Variants in RAPH1 observed in about 807,000 individuals in gnomAD.
RAPH1 encodes Ras association (RalGDS/AF-6) and pleckstrin homology domains 1.
A neutral mutation model predicts 88.1 loss-of-function variants in RAPH1; 18 were observed. The observed-to-expected ratio is 0.20, with a 90% CI of 0.14 to 0.30. RAPH1 has a LOEUF of 0.30. RAPH1 is among the 10% of genes least tolerant of loss of function. RAPH1 has a pLI of 1.00. For synonymous variants in RAPH1, 587 were observed against 559.0 expected, an observed-to-expected ratio of 1.05 and a Z score of -0.71; for missense variants, 1,448 against 1,543.2, an observed-to-expected ratio of 0.94 and a Z score of 1.03.
At chr2:203,509,872 T>G (rs1198519277) in intron 1 of RAPH1, among the ~76,000 whole-genome samples, 2 of 152,044 alleles carry the variant, frequency 1.3e-5, no homozygotes, top group Admixed American at 1.3e-4. Flanking sequence ...TCCCCCCTAC[T>G]CTTGCCCCTG....
At chr2:203,471,939 A>G (rs2098533491) in intron 4 of RAPH1, among the ~76,000 whole-genome samples, 1 of 152,100 alleles carries the variant, frequency 6.6e-6, no homozygotes, top group African/African-American at 2.4e-5. Flanking sequence ...TCATTTAACT[A>G]GATTGTGTAG....
In RAPH1 at chr2:203,489,719, A is replaced by T; in HGVS notation, c.597T>A (p.Ala199=). Residue 199 remains alanine (A), a synonymous_variant, in exon 4 of 14, where the codon GCT becomes GCA. Coordinates refer to ENST00000319170, the MANE Select transcript of RAPH1 (RefSeq NM_213589.3). ...AGGAATTACTAATAGAGTGTACTTC[A>T]GCATCACTCACTGTGCCTGCTGACG... ...RTASAGTVSD[A]EVHSISNSSH... The T allele has an allele frequency of 6.2e-7, 1 of 1,614,198 alleles. No individual in the cohort carries two copies. The highest frequency in any genetic ancestry group is 8.5e-7 in the Non-Finnish European group (1 of 1,180,030).
At position 203,489,808 on chromosome 2, in the gene RAPH1, C is replaced by A. The variant is rs1367324283; in HGVS notation, c.508G>T (p.Ala170Ser). The change falls in exon 4 of 14, where the codon GCT becomes TCT. Residue 170 changes from alanine (A) to serine (S), a missense_variant. By Grantham distance (99) the Ala-to-Ser change is moderately conservative (BLOSUM62 1). This residue lies in a region of RAPH1 where 513 missense variants were observed against 653.1 expected (regional missense o/e 0.79). Coordinates refer to ENST00000319170, the MANE Select transcript of RAPH1 (RefSeq NM_213589.3). The stretch of plus-strand genomic sequence containing the variant: ...TCTTCTAGTACAGATTGCTGAGCAG[C>A]CTCATCCATACTCAAAGAGGCCTGT... ...LEQASLSMDE[A>S]AQQSVLEDTK... 6.2e-7 allele frequency: 1 copy of A among 1,614,214 alleles called. No individual in the cohort carries two copies. The highest frequency in any genetic ancestry group is 1.1e-5 in the South Asian group (1 of 91,090).
chr2:203,456,008 CAAAACAAAAACAAAAACA>C (rs144160900), intron 8 of RAPH1, among the ~76,000 whole-genome samples: 19 of 150,828 alleles, frequency 1.3e-4, no homozygotes, highest in Middle Eastern at 6.9e-3. Context: ...GACTCTGTCT[CAAAACAAAAACAAAAACA>C]AAAACAAAAA....
chr2:203,457,280 C>T (rs987176888), intron 8 of RAPH1, among the ~76,000 whole-genome samples: 4 of 151,940 alleles, frequency 2.6e-5, no homozygotes, highest in African/African-American at 4.8e-5. Context: ...CTCCGCATCC[C>T]GGGTTCAAGC....
intron 3 of RAPH1, 66 bp from the exon 4 acceptor site, chr2:203,490,155 C>T: frequency 1.4e-6 from 2 of 1,403,846 alleles, no homozygotes; most frequent in South Asian, 3.0e-5. Context: ...TTAATAAATG[C>T]AGGTGATGAA....
chr2:203,455,541 C>G lies in RAPH1; in HGVS notation c.1198G>C (p.Glu400Gln). Residue 400 changes from glutamate to glutamine, a missense_variant, in exon 9 of 14, where the codon GAA becomes CAA. This residue lies in a region of RAPH1 where 513 missense variants were observed against 653.1 expected (regional missense o/e 0.79). Transcript: ENST00000319170. ...TCATCCTTCAACCAAAGGACTCCTT[C>G]AATTTCTGGTACAGTTACAGAACTT... ...CGSSVTVPEI[E>Q]GVLWLKDDGK... 6.2e-7 allele frequency: 1 copy of G among 1,613,584 alleles called. No individual in the cohort carries two copies. Among genetic ancestry groups the G allele is most frequent in the East Asian group, 2.2e-5 (1 of 44,866 alleles).
intron 4 of RAPH1, among the ~76,000 whole-genome samples, chr2:203,485,873 A>G (rs2251771): frequency 0.1 from 15,735 of 152,140 alleles, 1,654 homozygotes; most frequent in African/African-American, 0.27. Flanking sequence ...AAAACTATCT[A>G]GCCCAAATGT....
At chr2:203,513,218 GA>G (rs397937900) in intron 1 of RAPH1, among the ~76,000 whole-genome samples, 1 of 150,772 alleles carries the variant, frequency 6.6e-6, no homozygotes, top group Non-Finnish European at 1.5e-5. Context: ...ATGGGGGGGG[GA>G]ATAGATGAAC....
chr2:203,528,344 A>G (rs1165828787), intron 1 of RAPH1, among the ~76,000 whole-genome samples: 2 of 152,232 alleles, frequency 1.3e-5, no homozygotes, highest in East Asian at 3.8e-4. Flanking sequence ...ATGCCTTCCA[A>G]ACACAGTTTT....
chr2:203,470,741 A>G (rs1031958481), intron 4 of RAPH1, among the ~76,000 whole-genome samples: 14 of 152,398 alleles, frequency 9.2e-5, no homozygotes, highest in African/African-American at 3.1e-4. Context: ...TATTTCGGTT[A>G]GAATAAGACG....
chr2:203,525,063 T>C (rs1389383669), intron 1 of RAPH1, among the ~76,000 whole-genome samples: 1 of 152,224 alleles, frequency 6.6e-6, no homozygotes, highest in East Asian at 1.9e-4. Context: ...AAATGAAACA[T>C]CTGTCCATAA....
Position 203,435,744 on chromosome 2 carries a change from A to G in RAPH1, c.*3693T>C, listed in dbSNP as rs2098498010. 6.6e-6 allele frequency: 1 copy of G among 152,180 alleles called. No homozygotes were observed. The highest frequency in any genetic ancestry group is 1.5e-5 in the Non-Finnish European group (1 of 68,028). 9.4% of individuals were successfully genotyped at this position (152,180 alleles called of 1,614,324 possible). A position where few individuals can be genotyped will look rare whatever the true frequency, so the allele number is the denominator to read the frequency against. On this transcript the variant is annotated 3_prime_UTR_variant, in exon 14 of 14. Transcript: ENST00000319170. ...GTAGGTATATGAAAAACTTTTGGTA[A>G]TGTACAAAAATAGGAATGGGTTTTT...
At chr2:203,467,234 A>T (rs1011002726) in intron 4 of RAPH1, among the ~76,000 whole-genome samples, 5 of 152,094 alleles carry the variant, frequency 3.3e-5, no homozygotes, top group African/African-American at 9.7e-5. Flanking sequence ...GACCCTCCAT[A>T]CTGGAGGGCT....
At chr2:203,476,995 T>C in intron 4 of RAPH1, 1 of 995,786 alleles carries the variant, frequency 1.0e-6, no homozygotes, top group Admixed American at 2.2e-5. Context: ...TGAAGTTATA[T>C]GAAAAGGTTT....
rs142254466 is a variant in RAPH1 at position 203,441,378 on chromosome 2, T to A, written c.1812A>T (p.Ser604=). 56 of 1,574,098 alleles carry A rather than the reference T, an allele frequency of 3.6e-5. No individual in the cohort carries two copies. Among genetic ancestry groups the A allele is most frequent in the Middle Eastern group, 1.8e-4 (1 of 5,484 alleles). The part of the protein sequence containing the change: ...RMESMNRPYT[S]LVPPLSPQPK... ...GTTGCGGGGATAAAGGGGGCACAAGTGAAGTGTAGGGCCGATTCATAGACT... is the reference window on the plus strand; with the variant it reads ...GTTGCGGGGATAAAGGGGGCACAAGAGAAGTGTAGGGCCGATTCATAGACT... The change falls in exon 14 of 14, where the codon TCA becomes TCT. Residue 604 remains serine, a synonymous_variant. Coordinates refer to ENST00000319170, the MANE Select transcript of RAPH1 (RefSeq NM_213589.3).
At chr2:203,527,151 T>C (rs1690158304) in intron 1 of RAPH1, among the ~76,000 whole-genome samples, 1 of 152,226 alleles carries the variant, frequency 6.6e-6, no homozygotes, top group South Asian at 2.1e-4. Context: ...CCCCAGGATG[T>C]ATGAGTGATG....
At chr2:203,462,038 C>T in intron 4 of RAPH1, 113 bp from the exon 5 acceptor site, 1 of 643,460 alleles carries the variant, frequency 1.6e-6, no homozygotes, top group Non-Finnish European at 2.5e-6. Flanking sequence ...AATATAACTA[C>T]ACACAGAGCA....
rs1185417045 is a variant in RAPH1, at chr2:203,439,569, A to AGGG, written c.3618_3620dup (p.Pro1207dup). On this transcript the variant is annotated inframe_insertion, in exon 14 of 14. Transcript: ENST00000319170. ...CCTTCTGTTGATCAGACAGCAGTTCAGGGGGTGGTGGAGGCAATGCCATAT... is the reference window on the plus strand; with the variant it reads ...CCTTCTGTTGATCAGACAGCAGTTCAGGGGGGGGTGGTGGAGGCAATGCCATAT... 1.9e-6 allele frequency: 3 copies of AGGG among 1,614,130 alleles called. No homozygotes were observed. Among genetic ancestry groups the AGGG allele is most frequent in the Non-Finnish European group, 2.5e-6 (3 of 1,180,018 alleles).
Sources: allele counts gnomAD v4.1 joint callset (sites outside exome capture counted in the v4.1 genomes callset), GRCh38; gene constraint gnomAD v4.1.1; regional missense constraint gnomAD v4.1.1; transcripts MANE v1.5; gene names NCBI Gene and HGNC (gene_info 2026-07-23, HGNC 2026-07-21).